EIF4H: variants seen among roughly 807,000 people sequenced by gnomAD.
The protein encoded by EIF4H is eukaryotic translation initiation factor 4H, also known as Williams-Beuren syndrome chromosome region 1.
EIF4H carries 8 observed loss-of-function variants against 30.6 expected under a neutral mutation model. The ratio of observed to expected loss-of-function variants is 0.26; its 90% CI spans 0.15 to 0.47. EIF4H has a LOEUF of 0.47. EIF4H is among the 20% of genes least tolerant of loss of function. The probability of loss-of-function intolerance (pLI) is 0.99; values close to 1 mark genes in which losing one functional copy is unlikely to be tolerated. For synonymous variants in EIF4H, 106 were observed against 122.7 expected (o/e 0.86, Z 0.90); for missense variants, 188 against 339.5 (o/e 0.55, Z 3.51).
chr7:74,183,125 G>C (rs1201404159), intron 1 of EIF4H, among the ~76,000 whole-genome samples: 1 of 152,208 alleles, frequency 6.6e-6, no homozygotes, highest in Non-Finnish European at 1.5e-5. Context: ...GTAAGGAAAA[G>C]TGATTTGCCT....
chr7:74,184,335 A>G (rs1289425915), intron 1 of EIF4H, among the ~76,000 whole-genome samples: 3 of 152,156 alleles, frequency 2.0e-5, no homozygotes, highest in Non-Finnish European at 2.9e-5. Context: ...TTCGAGCACA[A>G]TTAGCAAGCC....
rs1801353670 is a variant in EIF4H, at chr7:74,196,422, G to A, written c.*1114G>A. ...AGCTGTCAGGAACCTTCAGATAGCA[G>A]TAGAGGACTGCAGCTGTCTAGGTCT... On this transcript the variant is annotated 3_prime_UTR_variant, in exon 7 of 7. Coordinates refer to ENST00000265753, the MANE Select transcript of EIF4H (RefSeq NM_022170.2). 6.5e-6 allele frequency: 1 copy of A among 152,712 alleles called. No homozygotes were observed. The highest frequency in any genetic ancestry group is 1.5e-5 in the Non-Finnish European group (1 of 68,108). The allele number at this position is 152,712 out of a possible 1,614,324, so 9.5% of individuals were successfully genotyped here.
intron 1 of EIF4H, among the ~76,000 whole-genome samples, chr7:74,177,169 G>A (rs1800860054): frequency 1.3e-5 from 2 of 152,066 alleles, no homozygotes; most frequent in Non-Finnish European, 2.9e-5. Flanking sequence ...GGCTGGTCTT[G>A]AACTCTTGGA....
chr7:74,190,707 CT>C (rs1221588848), intron 5 of EIF4H, among the ~76,000 whole-genome samples: 3 of 151,954 alleles, frequency 2.0e-5, no homozygotes, highest in Non-Finnish European at 4.4e-5. Context: ...CCTGATGGCC[CT>C]TTTTTTTCTT....
chr7:74,194,876 A>G lies in EIF4H; in HGVS notation c.605A>G (p.Glu202Gly), dbSNP rs782729353. The change falls in exon 6 of 7, where the codon GAA becomes GGA. Residue 202 changes from glutamate (E) to glycine (G), a missense_variant and splice_region_variant. Physicochemically the swap from Glu to Gly is moderately conservative, Grantham distance 98. This residue lies in a region of EIF4H where 17 missense variants were observed against 66.4 expected (regional missense o/e 0.26). Transcript: ENST00000265753. Reference sequence around the variant, plus strand: ...AACATGGATTTCAGAGAACCCACAGAAGGTACGGGCTCATGTGTCAGTGGA... The same window carrying G: ...AACATGGATTTCAGAGAACCCACAGGAGGTACGGGCTCATGTGTCAGTGGA... Reference protein sequence around the residue: ...GSNMDFREPTEEERAQRPRLQ... With the variant: ...GSNMDFREPTGEERAQRPRLQ... 2 of 1,590,430 alleles carry G rather than the reference A, an allele frequency of 1.3e-6. No homozygotes were observed. Among genetic ancestry groups the G allele is most frequent in the Non-Finnish European group, 1.7e-6 (2 of 1,160,874 alleles).
intron 6 of EIF4H, 101 bp from the exon 7 acceptor site, chr7:74,195,068 T>C: frequency 6.5e-7 from 1 of 1,547,754 alleles, no homozygotes; most frequent in Non-Finnish European, 8.8e-7. Flanking sequence ...AGGTGAATTT[T>C]AGAAAGTGGG....
chr7:74,174,686 CGT>C (rs36095961), intron 1 of EIF4H, among the ~76,000 whole-genome samples: 88,717 of 151,990 alleles, frequency 0.58, 26,931 homozygotes, highest in East Asian at 0.78. Flanking sequence ...CCAACGACAA[CGT>C]GTTGGTTTTT....
chr7:74,179,631 CAAAA>C (rs34502000), intron 1 of EIF4H, among the ~76,000 whole-genome samples: 24 of 128,058 alleles, frequency 1.9e-4, no homozygotes, highest in South Asian at 7.5e-4. Flanking sequence ...GACTCTGTAT[CAAAA>C]AAAAAAAAAA....
intron 1 of EIF4H, among the ~76,000 whole-genome samples, 199 bp from the exon 2 acceptor site, chr7:74,187,411 AC>A (rs1801109618): frequency 6.6e-6 from 1 of 152,120 alleles, no homozygotes; most frequent in African/African-American, 2.4e-5. Context: ...AGCCTGGGTG[AC>A]AGAGTGACAG....
intron 1 of EIF4H, among the ~76,000 whole-genome samples, chr7:74,176,392 C>T (rs1203448513): frequency 6.6e-6 from 1 of 152,004 alleles, no homozygotes; most frequent in African/African-American, 2.4e-5. Context: ...CATTAGCCAC[C>T]GCGCCCGGCC....
chr7:74,180,442 C>G (rs1476357669), intron 1 of EIF4H, among the ~76,000 whole-genome samples: 1 of 152,148 alleles, frequency 6.6e-6, no homozygotes, highest in Admixed American at 6.5e-5. Context: ...TACTGCTTTA[C>G]CAAGGATATT....
intron 1 of EIF4H, among the ~76,000 whole-genome samples, chr7:74,185,933 ATTT>A (rs3081809): frequency 0.013 from 2,037 of 151,670 alleles, 50 homozygotes; most frequent in African/African-American, 0.047. Context: ...CACCCCCTTA[ATTT>A]TTTTTTCCTC....
At chr7:74,188,777 G>A (rs1554709505) in intron 2 of EIF4H, among the ~76,000 whole-genome samples, 1 of 152,174 alleles carries the variant, frequency 6.6e-6, no homozygotes, top group Non-Finnish European at 1.5e-5. Context: ...AGCAGCTCTA[G>A]AAGATGAGAT....
At chr7:74,181,739 C>T (rs1276721895) in intron 1 of EIF4H, among the ~76,000 whole-genome samples, 13 of 135,682 alleles carry the variant, frequency 9.6e-5, no homozygotes, top group African/African-American at 2.3e-4. Context: ...CCACCGAGCC[C>T]GGCCTTTTTT....
rs545347649 is a variant in EIF4H at position 74,196,104 on chromosome 7, G to A, written c.*796G>A. The A allele has an allele frequency of 7.9e-5, 12 of 152,504 alleles. No individual in the cohort carries two copies. Among genetic ancestry groups the A allele is most frequent in the African/African-American group, 2.2e-4 (9 of 41,576 alleles). 9.4% of individuals were successfully genotyped at this position (152,504 alleles called of 1,614,324 possible). Reference sequence around the variant, plus strand: ...AGCTAGTTCACTCCTTTCGCCGTGCGTGGTGGAGGCTGGCCTCTCTGGCTG... The same window carrying A: ...AGCTAGTTCACTCCTTTCGCCGTGCATGGTGGAGGCTGGCCTCTCTGGCTG... On this transcript the variant is annotated 3_prime_UTR_variant, in exon 7 of 7. Transcript: ENST00000265753.
chr7:74,190,953 C>G (rs1167137932), intron 5 of EIF4H, among the ~76,000 whole-genome samples: 1 of 151,900 alleles, frequency 6.6e-6, no homozygotes, highest in African/African-American at 2.4e-5. Context: ...CAGTTGTAAC[C>G]CAGAAAGGTA....
intron 1 of EIF4H, among the ~76,000 whole-genome samples, chr7:74,183,651 A>C (rs1801014584): frequency 6.6e-6 from 1 of 152,214 alleles, no homozygotes; most frequent in Non-Finnish European, 1.5e-5. Flanking sequence ...CCCAAACTTG[A>C]ATCTAGTGAA....
chr7:74,188,314 T>G (rs1801133815), intron 2 of EIF4H, among the ~76,000 whole-genome samples: 1 of 152,202 alleles, frequency 6.6e-6, no homozygotes, highest in African/African-American at 2.4e-5. Context: ...GTCGTGTGTC[T>G]GCAGGGTGCG....
intron 2 of EIF4H, among the ~76,000 whole-genome samples, chr7:74,188,487 T>C (rs1554709465): frequency 6.6e-6 from 1 of 152,090 alleles, no homozygotes; most frequent in Non-Finnish European, 1.5e-5. Context: ...ATGGGGTAAC[T>C]TGGGGCGGGG....
Sources: gnomAD v4.1 joint callset for allele counts (sites outside exome capture counted in the v4.1 genomes callset) on GRCh38, gnomAD v4.1.1 for gene constraint, gnomAD v4.1.1 regional missense constraint, MANE v1.5 for transcripts, NCBI Gene and HGNC (gene_info 2026-07-23, HGNC 2026-07-21) for gene names.